LYRM4: variants seen among roughly 807,000 people sequenced by gnomAD.
LYRM4 encodes LYR motif-containing protein 4.
Under a neutral mutation model 11.7 loss-of-function variants are expected in LYRM4, and 9 were observed. That is an observed-to-expected ratio of 0.77 (90% confidence interval 0.46 to 1.34). The LOEUF (loss-of-function observed/expected upper bound fraction) is 1.34. LYRM4 is among the 40% of genes most tolerant of loss of function. The pLI is 0.00. For missense variants in LYRM4, 133 were observed against 112.5 expected (o/e 1.18, Z -0.82); for synonymous variants, 42 against 40.4 (o/e 1.04, Z -0.15).
At chr6:5,127,542 G>GA (rs1186844291) in intron 2 of LYRM4, among the ~76,000 whole-genome samples, 1 of 152,168 alleles carries the variant, frequency 6.6e-6, no homozygotes, top group African/African-American at 2.4e-5. Context: ...TTTAGCACTT[G>GA]AAATATGGCT....
the LYRM4 span, among the ~76,000 whole-genome samples, chr6:5,082,748 G>A: frequency 6.6e-6 from 1 of 152,072 alleles, no homozygotes; most frequent in South Asian, 2.1e-4. Context: ...ACCTTTTGAC[G>A]GCCTCTCATT....
chr6:5,033,051 C>T, the LYRM4 span: 1 of 152,384 alleles, frequency 6.6e-6, no homozygotes, highest in Non-Finnish European at 1.5e-5. Flanking sequence ...TGGTAATGCC[C>T]AAGTCTGTGT....
chr6:5,076,779 A>G, the LYRM4 span, among the ~76,000 whole-genome samples: 1 of 152,146 alleles, frequency 6.6e-6, no homozygotes, highest in Non-Finnish European at 1.5e-5. Context: ...CCATCAAGGA[A>G]CTGTTCTGCT....
At chr6:5,037,990 A>G in the LYRM4 span, among the ~76,000 whole-genome samples, 1 of 54,810 alleles carries the variant, frequency 1.8e-5, no homozygotes, top group Non-Finnish European at 4.3e-5. Context: ...CCGGGCGGAG[A>G]CGCTCCTCAC....
chr6:5,197,523 A>AG (rs1761132980), intron 2 of LYRM4, among the ~76,000 whole-genome samples: 1 of 151,780 alleles, frequency 6.6e-6, no homozygotes, highest in South Asian at 2.1e-4. Flanking sequence ...AATACAAAAA[A>AG]AATTAGCTGG....
intron 2 of LYRM4, among the ~76,000 whole-genome samples, chr6:5,195,467 CA>C (rs978094922): frequency 1.3e-5 from 2 of 151,196 alleles, no homozygotes; most frequent in African/African-American, 2.4e-5. Context: ...GAAACAAAAA[CA>C]AAAAAAACCC....
At chr6:5,228,292 T>C (rs1763016251) in intron 1 of LYRM4, among the ~76,000 whole-genome samples, 1 of 152,172 alleles carries the variant, frequency 6.6e-6, no homozygotes, top group South Asian at 2.1e-4. Context: ...TTCTTTTTTT[T>C]TTGAGATAGA....
chr6:5,032,702 A>T, the LYRM4 span: 2 of 152,234 alleles, frequency 1.3e-5, no homozygotes, highest in Non-Finnish European at 2.9e-5. Context: ...AGGAAGTCAC[A>T]GTACAACTGA....
chr6:5,259,340 C>A (rs980900087), intron 1 of LYRM4, among the ~76,000 whole-genome samples: 1 of 145,946 alleles, frequency 6.9e-6, no homozygotes, highest in African/African-American at 2.7e-5. Context: ...TTAATTCTTG[C>A]TAAAATTCCA....
intron 1 of LYRM4, 87 bp downstream of exon 1, chr6:5,260,561 G>T: frequency 1.3e-6 from 2 of 1,503,400 alleles, no homozygotes; most frequent in Non-Finnish European, 1.8e-6. Flanking sequence ...GTGGCTCCCA[G>T]TCCCCGGGGA....
At chr6:5,069,482 AT>A in the LYRM4 span, among the ~76,000 whole-genome samples, 2 of 145,756 alleles carry the variant, frequency 1.4e-5, no homozygotes, top group South Asian at 2.3e-4. Context: ...ATATATATAT[AT>A]TTTTTTGTTT....
intron 2 of LYRM4, among the ~76,000 whole-genome samples, chr6:5,120,216 G>C (rs1191552221): frequency 6.6e-6 from 1 of 152,186 alleles, no homozygotes; most frequent in African/African-American, 2.4e-5. Context: ...TATTTGAATG[G>C]ATCTCAAAGA....
the LYRM4 span, among the ~76,000 whole-genome samples, chr6:5,073,578 G>A: frequency 3.0e-3 from 446 of 146,950 alleles, 2 homozygotes; most frequent in African/African-American, 0.011. Flanking sequence ...ATAGTACATA[G>A]TATATATATT....
chr6:5,173,353 A>G (rs900990079), intron 2 of LYRM4, among the ~76,000 whole-genome samples: 1 of 152,212 alleles, frequency 6.6e-6, no homozygotes, highest in Non-Finnish European at 1.5e-5. Flanking sequence ...TCTGTCTCCA[A>G]TATTCTCTTA....
chr6:5,186,839 C>A, intron 2 of LYRM4: 1 of 543,838 alleles, frequency 1.8e-6, no homozygotes, highest in Admixed American at 2.8e-5. Context: ...CAAAAATTAG[C>A]CAGGCGTGGT....
intron 1 of LYRM4, among the ~76,000 whole-genome samples, chr6:5,247,101 G>A (rs1561900510): frequency 6.6e-6 from 1 of 152,190 alleles, no homozygotes; most frequent in Non-Finnish European, 1.5e-5. Context: ...CAGAGCTTGT[G>A]AGCAATGCCC....
chr6:5,211,007 C>T (rs1288062128), intron 2 of LYRM4, among the ~76,000 whole-genome samples: 1 of 152,132 alleles, frequency 6.6e-6, no homozygotes, highest in Admixed American at 6.6e-5. Flanking sequence ...TAGGGATTGA[C>T]TTCCCTTTAT....
chr6:5,090,323 T>C, the LYRM4 span, among the ~76,000 whole-genome samples: 1 of 152,148 alleles, frequency 6.6e-6, no homozygotes, highest in Non-Finnish European at 1.5e-5. This position sits in a 1 kb window ranked among gnomAD's most constrained non-coding sequence, Gnocchi z 4.8. Context: ...TTCAGAAACA[T>C]GGGCTGGGAA....
chr6:5,166,810 T>A (rs1335127380), intron 2 of LYRM4, among the ~76,000 whole-genome samples: 1 of 152,226 alleles, frequency 6.6e-6, no homozygotes, highest in Non-Finnish European at 1.5e-5. Context: ...GAATGAAAGT[T>A]GAATTATTCA....
Sources: allele counts gnomAD v4.1 joint callset (sites outside exome capture counted in the v4.1 genomes callset), GRCh38; gene constraint gnomAD v4.1.1; non-coding constraint Gnocchi (gnomAD v3.1); transcripts MANE v1.5; gene names NCBI Gene and HGNC (gene_info 2026-07-23, HGNC 2026-07-21).